BRCA2: variants seen among roughly 807,000 people sequenced by gnomAD.
BRCA2 encodes the protein BRCA2 DNA repair associated.
A neutral mutation model predicts 276.7 loss-of-function variants in BRCA2; 203 were observed. The observed-to-expected ratio is 0.73, with a 90% confidence interval of 0.65 to 0.82. The LOEUF (loss-of-function observed/expected upper bound fraction) is 0.82. Ranked by LOEUF, BRCA2 falls within the 40% of genes least tolerant of loss-of-function variation. BRCA2 has a pLI of 0.00. For missense variants in BRCA2, 3,920 were observed against 3,915.0 expected, an observed-to-expected ratio of 1.00 and a Z score of -0.03; for synonymous variants, 1,289 against 1,338.4, an observed-to-expected ratio of 0.96 and a Z score of 0.81.
rs61457252 is a variant in BRCA2, at chr13:32,376,634, C to A, written c.8633-36C>A. The A allele has an allele frequency of 4.4e-6, 7 of 1,607,826 alleles. No individual in the cohort carries two copies. In the East Asian group the frequency reaches 1.6e-4, roughly 36 times the overall value. On this transcript the variant is annotated intron_variant, in intron 20 of 26. Coordinates refer to ENST00000380152, the MANE Select transcript of BRCA2 (RefSeq NM_000059.4). ...TTAGTTTTAGTTGCTTTTGAATTTACAGTTTAGTGAATTAATAATCCTTTT... is the reference window on the plus strand; with the variant it reads ...TTAGTTTTAGTTGCTTTTGAATTTAAAGTTTAGTGAATTAATAATCCTTTT...
intron 12 of BRCA2, among the ~76,000 whole-genome samples, chr13:32,345,563 G>T (rs1405206077): frequency 1.3e-5 from 2 of 152,052 alleles, no homozygotes; most frequent in African/African-American, 4.8e-5. Context: ...ATTGTTTGCA[G>T]TTTTTGTCCT....
Position 32,356,487 on chromosome 13 carries a change from C to A in BRCA2, c.7495C>A (p.Gln2499Lys). 6.2e-7 allele frequency: 1 copy of A among 1,614,186 alleles called. No homozygotes were observed. Among genetic ancestry groups the A allele is most frequent in the Non-Finnish European group, 8.5e-7 (1 of 1,180,008 alleles). The change falls in exon 15 of 27, where the codon CAA becomes AAA. Residue 2499 changes from glutamine (Q) to lysine (K), a missense_variant. By Grantham distance (53) the Gln-to-Lys change is moderately conservative. This residue lies in a region of BRCA2 where 3,263 missense variants were observed against 3,156.9 expected (regional missense o/e 1.03). Transcript: ENST00000380152. Reference sequence around the variant, plus strand: ...ACAGGATATGCGAATTAAGAAGAAACAAAGGCAACGCGTCTTTCCACAGCC... The same window carrying A: ...ACAGGATATGCGAATTAAGAAGAAAAAAAGGCAACGCGTCTTTCCACAGCC... ...DIQDMRIKKK[Q>K]RQRVFPQPGS...
At chr13:32,333,731 A>G (rs1394612607) in intron 10 of BRCA2, among the ~76,000 whole-genome samples, 3 of 152,114 alleles carry the variant, frequency 2.0e-5, no homozygotes. Flanking sequence ...TAAGCCCAGC[A>G]TGCATTAGCT....
At chr13:32,376,546 T>C (rs914117506) in intron 20 of BRCA2, 124 bp from the exon 21 acceptor site, 1 of 1,110,122 alleles carries the variant, frequency 9.0e-7, no homozygotes, top group Non-Finnish European at 1.3e-6. Flanking sequence ...GAAAAAACTT[T>C]TAGCAGTTAT....
Position 32,333,195 on chromosome 13 carries a change from G to A in BRCA2, c.1717G>A (p.Ala573Thr), listed in dbSNP as rs761411987. Residue 573 changes from alanine to threonine, a missense_variant, in exon 10 of 27, where the codon GCT becomes ACT. By Grantham distance (58) the Ala-to-Thr change is moderately conservative. Around this residue, in one of 2 missense-constraint regions of BRCA2, gnomAD observed 3,263 missense variants for 3,156.9 expected, o/e 1.03. Transcript: ENST00000380152. ...WPATTTQNSV[A>T]LKNAGLISTL... ...AGCCACCACCACACAGAATTCTGTAGCTTTGAAGAATGCAGGTTTAATATC... is the reference window on the plus strand; with the variant it reads ...AGCCACCACCACACAGAATTCTGTAACTTTGAAGAATGCAGGTTTAATATC... 1 of 1,613,842 alleles carries A rather than the reference G, an allele frequency of 6.2e-7. No individual in the cohort carries two copies. The highest frequency in any genetic ancestry group is 8.5e-7 in the Non-Finnish European group (1 of 1,179,822).
rs938190142 is a variant in BRCA2, at chr13:32,399,777, T to C, written c.*1007T>C. The C allele has an allele frequency of 6.4e-6, 1 of 155,620 alleles. No individual in the cohort carries two copies. The highest frequency in any genetic ancestry group is 1.4e-5 in the Non-Finnish European group (1 of 70,752). The allele number at this position is 155,620 out of a possible 1,614,324, so 9.6% of individuals were successfully genotyped here. Reference sequence around the variant, plus strand: ...TTCAATTTAAGATGATACTCTCATTTGTTACGTCCTTTTTTTTTTTTTTTG... The same window carrying C: ...TTCAATTTAAGATGATACTCTCATTCGTTACGTCCTTTTTTTTTTTTTTTG... On this transcript the variant is annotated 3_prime_UTR_variant, in exon 27 of 27. Transcript: ENST00000380152.
intron 26 of BRCA2, among the ~76,000 whole-genome samples, chr13:32,397,896 C>T (rs914999817): frequency 6.6e-6 from 1 of 152,164 alleles, no homozygotes; most frequent in Non-Finnish European, 1.5e-5. Context: ...GCATAAGTGA[C>T]GTCCCCTACC....
At chr13:32,327,291 T>TA (rs1417321041) in intron 7 of BRCA2, among the ~76,000 whole-genome samples, 3 of 151,164 alleles carry the variant, frequency 2.0e-5, no homozygotes, top group Non-Finnish European at 3.0e-5. Context: ...CTACTAAAAA[T>TA]AAAAAAATTG....
rs80359156 is a variant in BRCA2 at position 32,379,837 on chromosome 13, C to A, written c.9041C>A (p.Ser3014Ter). The A allele has an allele frequency of 6.2e-7, 1 of 1,613,448 alleles. No homozygotes were observed. Among genetic ancestry groups the A allele is most frequent in the Non-Finnish European group, 8.5e-7 (1 of 1,179,606 alleles). Residue 3014 changes from serine to a stop codon, truncating the protein, a stop_gained, in exon 23 of 27, where the codon TCA becomes TAA. Transcript: ENST00000380152. LOFTEE classifies it high-confidence loss of function. ...TACAGAATTTATCATCTTGCAACTT[C>A]AAAATCTAAAAGTAAATCTGAAAGA... The part of the protein sequence containing the change: ...KRYRIYHLAT[S>*]KSKSKSERAN...
intron 7 of BRCA2, 149 bp from the exon 8 acceptor site, chr13:32,329,294 A>C (rs948671463): frequency 1.7e-6 from 1 of 603,940 alleles, no homozygotes. Flanking sequence ...TGACCTTTCT[A>C]ATTACTATAC....
At chr13:32,370,902 T>G (rs927323699) in intron 19 of BRCA2, 54 bp from the exon 20 acceptor site, 19 of 1,607,910 alleles carry the variant, frequency 1.2e-5, no homozygotes, top group Non-Finnish European at 1.6e-5. Context: ...CTGATACAAT[T>G]AACTTGAATG....
rs1566226599 is a variant in BRCA2, at chr13:32,336,730, A to G, written c.2375A>G (p.Tyr792Cys). The change falls in exon 11 of 27, where the codon TAC becomes TGC. Residue 792 changes from tyrosine to cysteine, a missense_variant. Tyr to Cys is a radical substitution (Grantham distance 194). Coordinates refer to ENST00000380152, the MANE Select transcript of BRCA2 (RefSeq NM_000059.4). ...LVMISRGKES[Y>C]KMSDKLKGNN... ...ATGATTTCTAGAGGCAAAGAATCAT[A>G]CAAAATGTCAGACAAGCTCAAAGGT... The G allele has an allele frequency of 6.2e-7, 1 of 1,614,026 alleles. No individual in the cohort carries two copies. The highest frequency in any genetic ancestry group is 1.7e-5 in the Admixed American group (1 of 59,996).
chr13:32,357,883 C>G lies in BRCA2; in HGVS notation c.7759C>G (p.Leu2587Val), dbSNP rs56335340. The G allele has an allele frequency of 6.2e-7, 1 of 1,614,046 alleles. No individual in the cohort carries two copies. Among genetic ancestry groups the G allele is most frequent in the Non-Finnish European group, 8.5e-7 (1 of 1,180,002 alleles). The change falls in exon 16 of 27, where the codon CTC becomes GTC. Residue 2587 changes from leucine to valine, a missense_variant. Around this residue, in one of 2 missense-constraint regions of BRCA2, gnomAD observed 3,263 missense variants for 3,156.9 expected, o/e 1.03. Transcript: ENST00000380152. ...KGIQLADGGW[L>V]IPSNDGKAGK... ...AATACAGTTGGCTGATGGTGGATGGCTCATACCCTCCAATGATGGAAAGGC... is the reference window on the plus strand; with the variant it reads ...AATACAGTTGGCTGATGGTGGATGGGTCATACCCTCCAATGATGGAAAGGC...
intron 25 of BRCA2, 129 bp downstream of exon 25, chr13:32,395,062 T>C (rs916177890): frequency 1.5e-6 from 2 of 1,312,656 alleles, no homozygotes; most frequent in Non-Finnish European, 2.1e-6. Flanking sequence ...TAATCATATA[T>C]TAATTGCCCA....
At chr13:32,334,627 T>C (rs2072434381) in intron 10 of BRCA2, among the ~76,000 whole-genome samples, 1 of 151,232 alleles carries the variant, frequency 6.6e-6, no homozygotes. Context: ...TGAACCAAAA[T>C]TGTACCAGTG....
rs2137449301 is a variant in BRCA2 at position 32,326,102 on chromosome 13, C to A, written c.427C>A (p.Pro143Thr). The change falls in exon 5 of 27, where the codon CCT becomes ACT. Residue 143 changes from proline (P) to threonine (T), a missense_variant and splice_region_variant. Physicochemically the swap from Pro to Thr is conservative, Grantham distance 38 (BLOSUM62 -1). This residue lies in a region of BRCA2 where 3,263 missense variants were observed against 3,156.9 expected (regional missense o/e 1.03). Coordinates refer to ENST00000380152, the MANE Select transcript of BRCA2 (RefSeq NM_000059.4). ...PLLNSCLSES[P>T]VVLQCTHVTP... ...GGGATTTGCTTTGTTTTATTTTAGT[C>A]CTGTTGTTCTACAATGTACACATGT... is the stretch of plus-strand genomic sequence containing the variant. 1 of 1,608,272 alleles carries A rather than the reference C, an allele frequency of 6.2e-7. No homozygotes were observed. Among genetic ancestry groups the A allele is most frequent in the South Asian group, 1.1e-5 (1 of 90,438 alleles).
intron 2 of BRCA2, among the ~76,000 whole-genome samples, chr13:32,318,002 G>A (rs906666200): frequency 1.3e-5 from 2 of 152,206 alleles, no homozygotes; most frequent in African/African-American, 2.4e-5. Context: ...ATTAAAAGAA[G>A]TGCTAAAGCA....
rs2072552879 is a variant in BRCA2, at chr13:32,340,695, C to A, written c.6340C>A (p.Pro2114Thr). ...ACTTCCTCGTGTTGATAAGAGAAAC[C>A]CAGAGCACTGTGTAAACTCAGAAAT... ...KILPRVDKRN[P>T]EHCVNSEMEK... The change falls in exon 11 of 27, where the codon CCA (proline) becomes ACA (threonine). Residue 2114 changes from proline (P) to threonine (T), a missense_variant. By Grantham distance (38) the Pro-to-Thr change is conservative. Coordinates refer to ENST00000380152, the MANE Select transcript of BRCA2 (RefSeq NM_000059.4). The A allele has an allele frequency of 1.2e-6, 2 of 1,609,128 alleles. No individual in the cohort carries two copies. Among genetic ancestry groups the A allele is most frequent in the Non-Finnish European group, 1.7e-6 (2 of 1,178,880 alleles).
At position 32,329,726 on chromosome 13, in the gene BRCA2, C is replaced by T. The variant is rs555819452; in HGVS notation, c.681+234C>T. 2.6e-5 allele frequency among the ~76,000 whole-genome samples: 4 copies of T among 152,098 alleles called. No homozygotes were observed. In the East Asian group the frequency reaches 5.8e-4, roughly 22 times the overall value. On this transcript the variant is annotated intron_variant, in intron 8 of 26. Transcript: ENST00000380152. ...CGTAGTCCCCTATTCATGGGGTATA[C>T]ATTCCAATATCCCCCAGTGAATGCT...
Sources: gnomAD v4.1 joint callset for allele counts (sites outside exome capture counted in the v4.1 genomes callset) on GRCh38, gnomAD v4.1.1 for gene constraint, gnomAD v4.1.1 regional missense constraint, MANE v1.5 for transcripts, NCBI Gene and HGNC (gene_info 2026-07-23, HGNC 2026-07-21) for gene names.